TRPM5: variants seen among roughly 807,000 people sequenced by gnomAD.
TRPM5 encodes MLSN1 and TRP-related.
In TRPM5, 121 loss-of-function variants were observed where a neutral mutation model predicts 124.9. The observed-to-expected ratio is 0.97, with a 90% CI of 0.84 to 1.13. The LOEUF (loss-of-function observed/expected upper bound fraction) is 1.13. Among genes scored for constraint, TRPM5 ranks in the 50% most tolerant of loss-of-function variants. The probability of loss-of-function intolerance (pLI) is 0.00; values close to 1 mark genes in which losing one functional copy is unlikely to be tolerated. For missense variants in TRPM5, 1,643 were observed against 1,589.1 expected (o/e 1.03, Z -0.58); for synonymous variants, 781 against 700.5 (o/e 1.11, Z -1.81).
chr11:2,417,487 AC>A lies in TRPM5; in HGVS notation c.1009+239del, dbSNP rs1022863361. 1.9e-4 allele frequency among the ~76,000 whole-genome samples: 29 copies of A among 151,722 alleles called. No homozygotes were observed. The South Asian group carries it at 6.0e-3, about 32-fold the overall frequency. ...CGAAAACCAAAACAAACAAAAAACA[AC>A]CCCCCCACCAAAAAAATACCACTGA... On this transcript the variant is annotated intron_variant, in intron 7 of 23. Transcript: ENST00000155858.
upstream of TRPM5, chr11:2,423,082 G>A: frequency 1.3e-6 from 2 of 1,505,046 alleles, no homozygotes; most frequent in Non-Finnish European, 9.1e-7. Flanking sequence ...TGAGGGCTGA[G>A]AAGGCCCATC....
intron 20 of TRPM5, 67 bp from the exon 26 acceptor site, chr11:2,406,860 G>C: frequency 1.3e-6 from 2 of 1,548,796 alleles, no homozygotes; most frequent in Non-Finnish European, 1.7e-6. Context: ...GCCCAGGCCT[G>C]GTCCCGGGGC....
chr11:2,421,346 A>G lies in TRPM5; in HGVS notation c.299-148T>C, dbSNP rs777915143. 1.4e-3 allele frequency: 1,509 copies of G among 1,062,164 alleles called. 4 individuals are homozygous for G. The highest frequency in any genetic ancestry group is 1.8e-3 in the Non-Finnish European group (1,371 of 770,732). 65.8% of individuals were successfully genotyped at this position (1,062,164 alleles called of 1,614,324 possible). A position where few individuals can be genotyped will look rare whatever the true frequency, so the allele number is the denominator to read the frequency against. On this transcript the variant is annotated intron_variant, in intron 2 of 23. Coordinates refer to ENST00000155858, the Ensembl canonical transcript of TRPM5. The stretch of plus-strand genomic sequence containing the variant: ...GGAATGCCTCACGGTGGGGTGGGGA[A>G]GCCGAGGCCCAGAGAGGGCAAGGCA...
chr11:2,421,207 A>T lies in TRPM5; in HGVS notation c.299-9T>A. 6.5e-7 allele frequency: 1 copy of T among 1,533,788 alleles called. No homozygotes were observed. The highest frequency in any genetic ancestry group is 8.7e-7 in the Non-Finnish European group (1 of 1,143,214). On this transcript the variant is annotated splice_polypyrimidine_tract_variant and intron_variant, in intron 2 of 23. Coordinates refer to ENST00000155858, the Ensembl canonical transcript of TRPM5. ...GGTCAGGATCCAGGCTCCTGTGGGG[A>T]TGGAAGAGGGCCTCGTTGTGCCGCA... is the stretch of plus-strand genomic sequence containing the variant.
At chr11:2,435,204 T>C in the TRPM5 span, among the ~76,000 whole-genome samples, 3 of 152,156 alleles carry the variant, frequency 2.0e-5, no homozygotes, top group Non-Finnish European at 4.4e-5. The surrounding 1 kb of genome is among the most constrained non-coding windows in gnomAD (Gnocchi z 4.1). Flanking sequence ...GATCAATCGA[T>C]GATTAAGATG....
At chr11:2,426,737 G>A (rs1308064472), upstream of TRPM5, among the ~76,000 whole-genome samples, 2 of 152,210 alleles carry the variant, frequency 1.3e-5, no homozygotes, top group Non-Finnish European at 2.9e-5. Context: ...CCCTGGGCCT[G>A]CCTCATTTGT....
chr11:2,437,263 G>C, the TRPM5 span, among the ~76,000 whole-genome samples: 1 of 152,240 alleles, frequency 6.6e-6, no homozygotes, highest in Non-Finnish European at 1.5e-5. This position sits in a 1 kb window ranked among gnomAD's most constrained non-coding sequence, Gnocchi z 5.6. Context: ...TCTTGGAAGA[G>C]GAGGAGGTGG....
At chr11:2,413,301 A>G (rs1435995606) in intron 13 of TRPM5, 75 bp from the exon 19 acceptor site, 2 of 1,418,492 alleles carry the variant, frequency 1.4e-6, no homozygotes, top group Admixed American at 2.6e-5. Flanking sequence ...GCGCTTGGCC[A>G]TCAAAGTGCC....
intron 7 of TRPM5, among the ~76,000 whole-genome samples, chr11:2,416,247 C>G (rs1040295311): frequency 6.6e-6 from 1 of 152,232 alleles, no homozygotes; most frequent in Non-Finnish European, 1.5e-5. Flanking sequence ...CGGGACGGCC[C>G]GTCTGCTCCC....
the TRPM5 span, among the ~76,000 whole-genome samples, chr11:2,433,508 A>G: frequency 6.6e-6 from 1 of 152,242 alleles, no homozygotes. Context: ...CATCTGGCAT[A>G]TGTGCACCTG....
intron 15 of TRPM5, among the ~76,000 whole-genome samples, chr11:2,412,470 C>T (rs927965709): frequency 6.6e-6 from 1 of 152,074 alleles, no homozygotes; most frequent in Non-Finnish European, 1.5e-5. Context: ...TCTTTGTGCC[C>T]AGGGTCTAGG....
chr11:2,407,343 A>G (rs998733668), intron 19 of TRPM5, 43 bp from the exon 25 acceptor site: 33 of 1,563,614 alleles, frequency 2.1e-5, no homozygotes, highest in Admixed American at 3.9e-5. Context: ...GCTCCCCACG[A>G]CCACTTGGGG....
At chr11:2,414,009 G>GGGGCGCCC in intron 12 of TRPM5, 52 bp downstream of exon 17, 2 of 1,023,734 alleles carry the variant, frequency 2.0e-6, no homozygotes, top group Middle Eastern at 3.1e-4. Context: ...GGCCCAGCTC[G>GGGGCGCCC]CCCGCCCACC....
chr11:2,406,547 C>CCTACCCCTT (rs1850326543), intron 21 of TRPM5, 114 bp downstream of exon 26: 1 of 1,400,808 alleles, frequency 7.1e-7, no homozygotes, highest in African/African-American at 1.4e-5. Context: ...GAGCCCTGCC[C>CCTACCCCTT]CTACCCCTTC....
At chr11:2,419,186 A>G (rs1845730950) in intron 4 of TRPM5, among the ~76,000 whole-genome samples, 1 of 152,162 alleles carries the variant, frequency 6.6e-6, no homozygotes, top group African/African-American at 2.4e-5. Context: ...GTGCCTCCTG[A>G]TTGAATCTGG....
intron 12 of TRPM5, 50 bp downstream of exon 17, chr11:2,414,011 C>CCCCCCCCCCCA: frequency 2.1e-6 from 1 of 482,248 alleles, no homozygotes. Flanking sequence ...CCCAGCTCGC[C>CCCCCCCCCCCA]CGCCCACCCC....
chr11:2,410,113 C>A (rs1485358217), intron 18 of TRPM5, among the ~76,000 whole-genome samples: 1 of 152,190 alleles, frequency 6.6e-6, no homozygotes, highest in Non-Finnish European at 1.5e-5. Context: ...CGCAGGCAGG[C>A]AGGGTCTGGT....
At chr11:2,409,582 A>C (rs1300503662) in intron 18 of TRPM5, among the ~76,000 whole-genome samples, 1 of 152,168 alleles carries the variant, frequency 6.6e-6, no homozygotes, top group Non-Finnish European at 1.5e-5. Flanking sequence ...CTGTACAGGA[A>C]CTGTCTGAGC....
the TRPM5 span, among the ~76,000 whole-genome samples, chr11:2,443,949 C>A: frequency 2.6e-5 from 4 of 152,146 alleles, no homozygotes; most frequent in Non-Finnish European, 4.4e-5. The surrounding 1 kb of genome is among the most constrained non-coding windows in gnomAD (Gnocchi z 5.0). Context: ...CCACGGGGCG[C>A]AGCGGCAGCG....
Sources: allele counts gnomAD v4.1 joint callset (sites outside exome capture counted in the v4.1 genomes callset), GRCh38; gene constraint gnomAD v4.1.1; non-coding constraint Gnocchi (gnomAD v3.1); transcripts MANE v1.5; gene names NCBI Gene and HGNC (gene_info 2026-07-23, HGNC 2026-07-21).